The following PCDHGA3 variants were observed in gnomAD, a reference collection of about 807,000 sequenced individuals.
PCDHGA3 encodes protocadherin gamma subfamily A, 3.
PCDHGA3 carries 40 observed loss-of-function variants against 58.5 expected under a neutral mutation model. That is an observed-to-expected ratio of 0.68 (90% confidence interval 0.53 to 0.89). PCDHGA3 has a LOEUF of 0.89. Among genes scored for constraint, PCDHGA3 ranks in the 40% least tolerant of loss-of-function variants. The probability of loss-of-function intolerance (pLI) is 0.00; values close to 1 mark genes in which losing one functional copy is unlikely to be tolerated. For missense variants in PCDHGA3, 1,223 were observed against 1,195.9 expected (o/e 1.02, Z -0.33); for synonymous variants, 530 against 525.7 (o/e 1.01, Z -0.11).
In PCDHGA3 at chr5:141,388,623, T is replaced by C. The variant is rs767536532; in HGVS notation, c.2424+42166T>C. On this transcript the variant is annotated intron_variant, in intron 1 of 3. Transcript: ENST00000253812. Reference sequence around the variant, plus strand: ...TGCTCCAGTGTTCAGTCAAGACGTATACAGGGTGAGCCTTTCAGAAAACGT... The same window carrying C: ...TGCTCCAGTGTTCAGTCAAGACGTACACAGGGTGAGCCTTTCAGAAAACGT... 3.6e-5 allele frequency: 58 copies of C among 1,613,846 alleles called. No individual in the cohort carries two copies. The highest frequency in any genetic ancestry group is 4.8e-5 in the Non-Finnish European group (57 of 1,179,886).
At chr5:141,372,283 G>A (rs749946527) in intron 1 of PCDHGA3, 5 of 1,613,198 alleles carry the variant, frequency 3.1e-6, no homozygotes, top group Non-Finnish European at 4.2e-6. Context: ...CGCACGGCGC[G>A]TACCTTGGGC....
In PCDHGA3 at chr5:141,403,896, A is replaced by T. The variant is rs2094466164; in HGVS notation, c.2424+57439A>T. 6.2e-7 allele frequency: 1 copy of T among 1,613,866 alleles called. No individual in the cohort carries two copies. On this transcript the variant is annotated intron_variant, in intron 1 of 3. Transcript: ENST00000253812. The stretch of plus-strand genomic sequence containing the variant: ...CTAGATTATGAAGAATGTTCATTTT[A>T]TGAAATGGAAATACAAGCTGAAGAT...
chr5:141,486,760 G>C lies in PCDHGA3; in HGVS notation c.2425-8047G>C. ...GATCCTTTGACTATGAGCAAACCCAGACACTGCAGTTTGAGGTGCAGGCCC... is the reference window on the plus strand; with the variant it reads ...GATCCTTTGACTATGAGCAAACCCACACACTGCAGTTTGAGGTGCAGGCCC... On this transcript the variant is annotated intron_variant, in intron 1 of 3. Transcript: ENST00000253812. This position sits in a 1 kb window ranked among gnomAD's most constrained non-coding sequence, Gnocchi z 5.0. 1.2e-6 allele frequency: 2 copies of C among 1,614,240 alleles called. No homozygotes were observed. The highest frequency in any genetic ancestry group is 2.2e-5 in the South Asian group (2 of 91,086).
At chr5:141,355,141 G>A in intron 1 of PCDHGA3, 1 of 1,526,010 alleles carries the variant, frequency 6.6e-7, no homozygotes, top group South Asian at 1.3e-5. Context: ...AGATCCTGGG[G>A]CTCCTCAGGC....
intron 1 of PCDHGA3, chr5:141,375,937 A>G (rs777064247): frequency 1.5e-5 from 24 of 1,613,516 alleles, no homozygotes; most frequent in African/African-American, 6.7e-5. Flanking sequence ...GACTTTTCTC[A>G]GTGGGCCTGC....
chr5:141,493,140 C>T lies in PCDHGA3; in HGVS notation c.2425-1667C>T, dbSNP rs2099746336. Among the ~76,000 whole-genome samples, 1 of 146,374 alleles carries T rather than the reference C, an allele frequency of 6.8e-6. No homozygotes were observed. Among genetic ancestry groups the T allele is most frequent in the African/African-American group, 2.5e-5 (1 of 40,746 alleles). ...GCTCCTAGGACTGTATTTTGAAACACCCCCAGGTGATTTTGATAGCTGATT... is the reference window on the plus strand; with the variant it reads ...GCTCCTAGGACTGTATTTTGAAACATCCCCAGGTGATTTTGATAGCTGATT... On this transcript the variant is annotated intron_variant, in intron 1 of 3. Transcript: ENST00000253812. This position sits in a 1 kb window ranked among gnomAD's most constrained non-coding sequence, Gnocchi z 4.3.
At chr5:141,371,258 G>A in intron 1 of PCDHGA3, 1 of 1,614,052 alleles carries the variant, frequency 6.2e-7, no homozygotes, top group South Asian at 1.1e-5. Context: ...GCAAGGAAGT[G>A]AGACAACTGT....
In PCDHGA3 at chr5:141,489,705, C is replaced by G; in HGVS notation, c.2425-5102C>G. The G allele has an allele frequency of 6.2e-7, 1 of 1,614,022 alleles. No homozygotes were observed. The highest frequency in any genetic ancestry group is 1.1e-5 in the South Asian group (1 of 91,074). ...CATCTGGGGCACGATTCCCACTGGA[C>G]AGTGCCCAGGATCCGGATGTGGGCA... On this transcript the variant is annotated intron_variant, in intron 1 of 3. Coordinates refer to ENST00000253812, the MANE Select transcript of PCDHGA3 (RefSeq NM_018916.4). The surrounding 1 kb of genome is among the most constrained non-coding windows in gnomAD (Gnocchi z 4.5).
rs147522770 is a variant in PCDHGA3, at chr5:141,504,573, C to T, written c.2484-820C>T. On this transcript the variant is annotated intron_variant, in intron 2 of 3. Coordinates refer to ENST00000253812, the MANE Select transcript of PCDHGA3 (RefSeq NM_018916.4). ...TGGGGGACTGGCATTCTAGGGAACA[C>T]CATCTGCCCAGGATTCACAGCAAGA... Among the ~76,000 whole-genome samples the T allele has an allele frequency of 5.4e-5, 8 of 148,158 alleles. No individual in the cohort carries two copies. In the East Asian group the frequency reaches 1.6e-3, roughly 30 times the overall value.
At chr5:141,364,036 G>A (rs868127549) in intron 1 of PCDHGA3, among the ~76,000 whole-genome samples, 16 of 152,152 alleles carry the variant, frequency 1.1e-4, no homozygotes, top group African/African-American at 2.9e-4. Context: ...TAAGGATATG[G>A]CAACATTATT....
intron 1 of PCDHGA3, chr5:141,370,454 C>A: frequency 6.2e-7 from 1 of 1,611,484 alleles, no homozygotes; most frequent in Non-Finnish European, 8.5e-7. Context: ...TATTTCTCTT[C>A]CTGCTCTCTT....
chr5:141,413,012 A>G (rs937468289), intron 1 of PCDHGA3: 10 of 657,718 alleles, frequency 1.5e-5, no homozygotes, highest in Middle Eastern at 4.2e-4. Flanking sequence ...GGCTTCAACT[A>G]CACAAGCCCC....
At chr5:141,418,629 C>T in intron 1 of PCDHGA3, 1 of 1,614,014 alleles carries the variant, frequency 6.2e-7, no homozygotes, top group Non-Finnish European at 8.5e-7. Context: ...GACGTGCCTC[C>T]AGGCACCTCC....
chr5:141,344,203 G>C lies in PCDHGA3; in HGVS notation c.170G>C (p.Arg57Pro), dbSNP rs769630375. 6.2e-6 allele frequency: 10 copies of C among 1,614,016 alleles called. No individual in the cohort carries two copies. Among genetic ancestry groups the C allele is most frequent in the Non-Finnish European group, 8.5e-6 (10 of 1,179,902 alleles). Residue 57 changes from arginine to proline, a missense_variant, in exon 1 of 4, where the codon CGG becomes CCG. Coordinates refer to ENST00000253812, the MANE Select transcript of PCDHGA3 (RefSeq NM_018916.4). ...NIANDLGLEPRELAERGVRIV... is the reference protein window; with the variant it reads ...NIANDLGLEPPELAERGVRIV... The stretch of plus-strand genomic sequence containing the variant: ...GCTAACGACCTGGGGCTAGAGCCCC[G>C]GGAGCTGGCGGAGCGCGGAGTCCGC...
chr5:141,345,000 G>A lies in PCDHGA3; in HGVS notation c.967G>A (p.Asp323Asn). 6.2e-7 allele frequency: 1 copy of A among 1,613,964 alleles called. No individual in the cohort carries two copies. The highest frequency in any genetic ancestry group is 8.5e-7 in the Non-Finnish European group (1 of 1,179,884). ...CTATGAAATTAAAATTGAAGCACAG[G>A]ATGGACCAGGTCTTCTTTCAAGAGC... is the stretch of plus-strand genomic sequence containing the variant. ...MFYEIKIEAQ[D>N]GPGLLSRAKI... The change falls in exon 1 of 4, where the codon GAT becomes AAT. Residue 323 changes from aspartate (D) to asparagine (N), a missense_variant. By Grantham distance (23) the Asp-to-Asn change is conservative. Transcript: ENST00000253812.
Position 141,487,418 on chromosome 5 carries a change from A to T in PCDHGA3, c.2425-7389A>T. ...GGAGGGGCTTCCCCCTTCCAATGGG[A>T]TCCTCCGAATCCAGCTAGGGTCAGA... On this transcript the variant is annotated intron_variant, in intron 1 of 3. Transcript: ENST00000253812. The surrounding 1 kb of genome is among the most constrained non-coding windows in gnomAD (Gnocchi z 5.0). The T allele has an allele frequency of 6.2e-7, 1 of 1,614,060 alleles. No homozygotes were observed. The highest frequency in any genetic ancestry group is 8.5e-7 in the Non-Finnish European group (1 of 1,179,998).
At chr5:141,408,912 A>G (rs772751015) in intron 1 of PCDHGA3, 4 of 1,613,594 alleles carry the variant, frequency 2.5e-6, no homozygotes, top group Middle Eastern at 1.6e-4. Flanking sequence ...GATACCAATG[A>G]TAACCCCCCG....
chr5:141,409,666 C>T, intron 1 of PCDHGA3: 3 of 1,613,554 alleles, frequency 1.9e-6, no homozygotes, highest in Non-Finnish European at 2.5e-6. Flanking sequence ...GCCACATCTC[C>T]TACTCTATAG....
chr5:141,422,996 C>T (rs1473025630), intron 1 of PCDHGA3: 1 of 1,614,224 alleles, frequency 6.2e-7, no homozygotes, highest in South Asian at 1.1e-5. Context: ...TACCTGGTGA[C>T]CAAGGTGGTT....
Sources: gnomAD v4.1 joint callset for allele counts (sites outside exome capture counted in the v4.1 genomes callset) on GRCh38, gnomAD v4.1.1 for gene constraint, Gnocchi (gnomAD v3.1) non-coding constraint, MANE v1.5 for transcripts, NCBI Gene and HGNC (gene_info 2026-07-23, HGNC 2026-07-21) for gene names.